Variants in SORBS2 observed in about 807,000 individuals in gnomAD.
SORBS2 encodes the protein sorbin and SH3 domain containing 2, also known as sorbin and SH3 domain-containing protein 2.
Under a neutral mutation model 97.7 loss-of-function variants are expected in SORBS2, and 46 were observed. The ratio of observed to expected loss-of-function variants is 0.47; its 90% CI spans 0.37 to 0.60. The LOEUF (loss-of-function observed/expected upper bound fraction) is 0.60. SORBS2 is among the 20% of genes least tolerant of loss of function. SORBS2 has a pLI of 0.00. For missense variants in SORBS2, 1,316 were observed against 1,282.3 expected, an observed-to-expected ratio of 1.03 and a Z score of -0.40; for synonymous variants, 476 against 473.4, an observed-to-expected ratio of 1.01 and a Z score of -0.07.
rs185175306 is a variant in SORBS2 at position 185,735,138 on chromosome 4, G to A, written c.-198+40089C>T. On this transcript the variant is annotated intron_variant, in intron 2 of 20. Transcript: ENST00000284776. ...CCTAATGAGCAGGAATTTGAGACCAGGTAGGAAAAGAGGGTCATGGGATGT... is the reference window on the plus strand; with the variant it reads ...CCTAATGAGCAGGAATTTGAGACCAAGTAGGAAAAGAGGGTCATGGGATGT... Among the ~76,000 whole-genome samples the A allele has an allele frequency of 2.6e-5, 4 of 152,336 alleles. No homozygotes were observed. In the East Asian group the frequency reaches 7.7e-4, roughly 29 times the overall value.
intron 2 of SORBS2, among the ~76,000 whole-genome samples, chr4:185,698,866 ATT>A (rs11431973): frequency 1.3e-5 from 2 of 150,618 alleles, no homozygotes; most frequent in East Asian, 3.9e-4. Flanking sequence ...ATAGCCATTG[ATT>A]TTTTTTTTCT....
intron 1 of SORBS2, among the ~76,000 whole-genome samples, chr4:185,854,998 A>C (rs1227472429): frequency 2.0e-5 from 3 of 152,214 alleles, no homozygotes; most frequent in African/African-American, 4.8e-5. Flanking sequence ...TCATAAAGAC[A>C]ATAATCTCGT....
At chr4:185,822,339 G>C (rs2099197271) in intron 1 of SORBS2, among the ~76,000 whole-genome samples, 1 of 152,214 alleles carries the variant, frequency 6.6e-6, no homozygotes, top group South Asian at 2.1e-4. Context: ...TGTATTCCTT[G>C]TTGGTAACCA....
chr4:185,614,082 G>A (rs2096588525), intron 11 of SORBS2, among the ~76,000 whole-genome samples: 1 of 150,948 alleles, frequency 6.6e-6, no homozygotes, highest in Non-Finnish European at 1.5e-5. Flanking sequence ...TATTTAGAAA[G>A]CAATAAGAAT....
chr4:185,621,582 T>G (rs2096720656), intron 7 of SORBS2, among the ~76,000 whole-genome samples: 1 of 152,164 alleles, frequency 6.6e-6, no homozygotes, highest in Admixed American at 6.5e-5. Context: ...TAAATTCTAA[T>G]TTATTATTTT....
In SORBS2 at chr4:185,651,671, T is replaced by C. The variant is rs1432692858; in HGVS notation, c.91+991A>G. On this transcript the variant is annotated intron_variant, in intron 2 of 14. Coordinates refer to ENST00000418609, the Ensembl canonical transcript of SORBS2. ...AAAAGAAAAGAAATCCTCCTCCTAA[T>C]ATATGAACTGAAAACATGTGCTCAA... 5.4e-6 allele frequency: 4 copies of C among 738,090 alleles called. No homozygotes were observed. In the East Asian group the frequency reaches 7.5e-5, roughly 14 times the overall value. The allele number at this position is 738,090 out of a possible 1,614,324, so 45.7% of individuals were successfully genotyped here. A position where few individuals can be genotyped will look rare whatever the true frequency, so the allele number is the denominator to read the frequency against.
At chr4:185,616,614 T>G (rs2096631603) in intron 9 of SORBS2, among the ~76,000 whole-genome samples, 1 of 152,226 alleles carries the variant, frequency 6.6e-6, no homozygotes, top group Non-Finnish European at 1.5e-5. Context: ...GACTCTTTTG[T>G]ATTTGTATAG....
intron 9 of SORBS2, among the ~76,000 whole-genome samples, chr4:185,616,317 A>G (rs2096626324): frequency 6.6e-6 from 1 of 152,246 alleles, no homozygotes; most frequent in South Asian, 2.1e-4. Flanking sequence ...ATGATCACAC[A>G]TTTAGAAGTG....
chr4:185,612,671 C>T (rs1404515118), intron 11 of SORBS2, among the ~76,000 whole-genome samples: 9 of 151,840 alleles, frequency 5.9e-5, no homozygotes, highest in African/African-American at 1.9e-4. Flanking sequence ...TGTATTTTAG[C>T]AGAGATAGGG....
At chr4:185,622,503 T>G (rs1317385210) in intron 7 of SORBS2, among the ~76,000 whole-genome samples, 2 of 152,228 alleles carry the variant, frequency 1.3e-5, no homozygotes, top group East Asian at 3.8e-4. Flanking sequence ...GACAAATTAT[T>G]TATTAACTGA....
chr4:185,731,936 A>G (rs1016766798), intron 2 of SORBS2, among the ~76,000 whole-genome samples: 1 of 143,906 alleles, frequency 6.9e-6, no homozygotes, highest in Non-Finnish European at 1.5e-5. Flanking sequence ...CACTCTAGAT[A>G]TACAATCAAA....
chr4:185,665,138 C>G (rs1045785615), intron 4 of SORBS2, among the ~76,000 whole-genome samples: 1 of 152,008 alleles, frequency 6.6e-6, no homozygotes, highest in Non-Finnish European at 1.5e-5. Context: ...TGAAATGGCT[C>G]AGGAAGAATA....
intron 1 of SORBS2, among the ~76,000 whole-genome samples, chr4:185,853,360 C>A (rs964960165): frequency 3.3e-5 from 5 of 152,138 alleles, no homozygotes; most frequent in African/African-American, 4.8e-5. Context: ...AGTATGCTAT[C>A]TTTGAGGTAT....
chr4:185,874,525 T>C (rs34067321), intron 1 of SORBS2, among the ~76,000 whole-genome samples: 33,254 of 152,070 alleles, frequency 0.22, 4,149 homozygotes, highest in East Asian at 0.54. Context: ...ACTTATGATT[T>C]CCAAATTTCT....
At position 185,614,896 on chromosome 4, in the gene SORBS2, T is replaced by C. The variant is rs775299057; in HGVS notation, c.2530A>G (p.Ile844Val). The change falls in exon 11 of 15, where the codon ATC becomes GTC. Residue 844 changes from isoleucine (I) to valine (V), a missense_variant. Ile to Val is a conservative substitution (Grantham distance 29, BLOSUM62 3). Transcript: ENST00000418609. ...TTGTATTTGGCTATAGCTTCTCCGA[T>C]TTCTCCGGGCTGGGCTGGCGGAGGT... 2.5e-6 allele frequency: 4 copies of C among 1,614,080 alleles called. No homozygotes were observed. The Admixed American group carries it at 6.7e-5, about 27-fold the overall frequency.
intron 2 of SORBS2, among the ~76,000 whole-genome samples, chr4:185,697,608 TA>T (rs985661071): frequency 6.6e-6 from 1 of 152,298 alleles, no homozygotes; most frequent in East Asian, 1.9e-4. Flanking sequence ...TTAGCTTTTT[TA>T]AAAAAATCAT....
chr4:185,748,851 C>T (rs2098780975), intron 2 of SORBS2, among the ~76,000 whole-genome samples: 3 of 152,302 alleles, frequency 2.0e-5, no homozygotes, highest in Admixed American at 2.0e-4. Context: ...TCTGGAGCCT[C>T]ATTTATTGAT....
chr4:185,817,113 T>C (rs2099193711), intron 1 of SORBS2, among the ~76,000 whole-genome samples: 1 of 152,176 alleles, frequency 6.6e-6, no homozygotes, highest in Non-Finnish European at 1.5e-5. Context: ...TGCAAATGAC[T>C]ATGATTGCAG....
intron 4 of SORBS2, among the ~76,000 whole-genome samples, chr4:185,632,287 A>G (rs572308163): frequency 1.3e-5 from 2 of 152,242 alleles, no homozygotes; most frequent in Non-Finnish European, 2.9e-5. Flanking sequence ...GCATCTCTGC[A>G]TGAGAATATT....
Sources: allele counts gnomAD v4.1 joint callset (sites outside exome capture counted in the v4.1 genomes callset), GRCh38; gene constraint gnomAD v4.1.1; transcripts MANE v1.5; gene names NCBI Gene and HGNC (gene_info 2026-07-23, HGNC 2026-07-21).